The following CSKMT variants were observed in gnomAD, a reference collection of about 807,000 sequenced individuals.
The protein encoded by CSKMT is citrate synthase lysine methyltransferase.
A neutral mutation model predicts 4.6 loss-of-function variants in CSKMT; 6 were observed. The ratio of observed to expected loss-of-function variants is 1.31; its 90% CI spans 0.72 to 2.59. The LOEUF (loss-of-function observed/expected upper bound fraction) is 2.59, where lower values mean the gene tolerates loss of function less well. Among genes scored for constraint, CSKMT ranks in the 30% most tolerant of loss-of-function variants. The probability of loss-of-function intolerance (pLI) is 0.00; values close to 1 mark genes in which losing one functional copy is unlikely to be tolerated. For missense variants in CSKMT, 328 were observed against 298.0 expected (o/e 1.10, Z -0.74); for synonymous variants, 142 against 128.9 (o/e 1.10, Z -0.69).
rs1944791780 is a variant in CSKMT, at chr11:62,665,811, G to A, written c.-69G>A. 9 of 1,583,080 alleles carry A rather than the reference G, an allele frequency of 5.7e-6. No individual in the cohort carries two copies. In the South Asian group the frequency reaches 1.0e-4, roughly 18 times the overall value. ...TTGCAGATCTTCCCCTGGACCTCAG[G>A]CCTCTCCGGCTGGAGTAGGGTGGAC... On this transcript the variant is annotated 5_prime_UTR_variant, in exon 2 of 3. Transcript: ENST00000532971.
rs984504133 is a variant in CSKMT at position 62,667,550 on chromosome 11, G to A, written c.*499G>A. 1.9e-6 allele frequency: 3 copies of A among 1,614,116 alleles called. No individual in the cohort carries two copies. The highest frequency in any genetic ancestry group is 1.7e-6 in the Non-Finnish European group (2 of 1,180,002). ...TCAAAGCTATTAGGAGGCAGGAGAT[G>A]GGAATATTCCACAAAGCCACTTCTA... On this transcript the variant is annotated 3_prime_UTR_variant, in exon 3 of 3. Coordinates refer to ENST00000532971, the MANE Select transcript of CSKMT (RefSeq NM_001043229.2).
Position 62,666,406 on chromosome 11 carries a change from T to A in CSKMT, c.78T>A (p.Ala26=). ...CAACCGTGCCCACAGGCTCACTGGC[T>A]GATAGTTGCCTGGCGGACCGCTGTC... ...GTCRPFAGSL[A]DSCLADRCLW... is the part of the protein sequence containing the mutation. The change falls in exon 3 of 3, where the codon GCT becomes GCA. Residue 26 remains alanine, a synonymous_variant. Transcript: ENST00000532971. The A allele has an allele frequency of 6.2e-7, 1 of 1,609,866 alleles. No individual in the cohort carries two copies. The highest frequency in any genetic ancestry group is 8.5e-7 in the Non-Finnish European group (1 of 1,179,998).
chr11:62,667,564 A>C lies in CSKMT; in HGVS notation c.*513A>C. ...AGGCAGGAGATGGGAATATTCCACA[A>C]AGCCACTTCTACAAACACGGGAGCC... is the stretch of plus-strand genomic sequence containing the variant. On this transcript the variant is annotated 3_prime_UTR_variant, in exon 3 of 3. Transcript: ENST00000532971. 1 of 1,614,134 alleles carries C rather than the reference A, an allele frequency of 6.2e-7. No homozygotes were observed. The highest frequency in any genetic ancestry group is 8.5e-7 in the Non-Finnish European group (1 of 1,180,018).
rs891161359 is a variant in CSKMT, at chr11:62,668,086, C to A, written c.*1035C>A. On this transcript the variant is annotated 3_prime_UTR_variant, in exon 3 of 3. Transcript: ENST00000532971. Reference sequence around the variant, plus strand: ...ATTTTTTGCTTATAAAAAAATAGAGCAATTATATCACTAAGAGCCTAACCT... The same window carrying A: ...ATTTTTTGCTTATAAAAAAATAGAGAAATTATATCACTAAGAGCCTAACCT... 4 of 222,428 alleles carry A rather than the reference C, an allele frequency of 1.8e-5. No individual in the cohort carries two copies. The highest frequency in any genetic ancestry group is 2.7e-5 in the Non-Finnish European group (3 of 110,404). The allele number at this position is 222,428 out of a possible 1,614,324, so 13.8% of individuals were successfully genotyped here.
In CSKMT at chr11:62,666,928, G is replaced by C. The variant is rs749987139; in HGVS notation, c.600G>C (p.Glu200Asp). 1.4e-5 allele frequency: 22 copies of C among 1,613,958 alleles called. No individual in the cohort carries two copies. The highest frequency in any genetic ancestry group is 1.9e-5 in the Non-Finnish European group (22 of 1,180,014). Reference sequence around the variant, plus strand: ...GGACCCTGATTCAGTTCTCAGATGAGGACCCTGATGTGCGACTGCCCTGCC... The same window carrying C: ...GGACCCTGATTCAGTTCTCAGATGACGACCCTGATGTGCGACTGCCCTGCC... The part of the protein sequence containing the change: ...PQGTLIQFSD[E>D]DPDVRLPCLE... Residue 200 changes from glutamate to aspartate, a missense_variant, in exon 3 of 3, where the codon GAG becomes GAC. Transcript: ENST00000532971.
Position 62,665,940 on chromosome 11 carries a change from T to G in CSKMT, c.61T>G (p.Phe21Val). The change falls in exon 2 of 3, where the codon TTT becomes GTT. Residue 21 changes from phenylalanine (F) to valine (V), a missense_variant. Phe to Val is a conservative substitution (Grantham distance 50). Coordinates refer to ENST00000532971, the MANE Select transcript of CSKMT (RefSeq NM_001043229.2). The part of the protein sequence containing the change: ...PSLMMGTCRP[F>V]AGSLADSCLA... The stretch of plus-strand genomic sequence containing the variant: ...CCTGATGATGGGGACGTGCCGCCCC[T>G]TTGCGGGTAGGGAGGTGGGGGCAGA... 6.2e-7 allele frequency: 1 copy of G among 1,611,810 alleles called. No homozygotes were observed. Among genetic ancestry groups the G allele is most frequent in the Non-Finnish European group, 8.5e-7 (1 of 1,179,658 alleles).
Position 62,667,947 on chromosome 11 carries a change from A to G in CSKMT, c.*896A>G. ...GCCCGGGATAGTGGCACAGGCATGT[A>G]GTTCCAACTACTCAGGAGGCTGAGC... On this transcript the variant is annotated 3_prime_UTR_variant, in exon 3 of 3. Transcript: ENST00000532971. The G allele has an allele frequency of 1.9e-6, 1 of 536,832 alleles. No homozygotes were observed. 33.3% of individuals were successfully genotyped at this position (536,832 alleles called of 1,614,324 possible). A position where few individuals can be genotyped will look rare whatever the true frequency, so the allele number is the denominator to read the frequency against.
intron 2 of CSKMT, 163 bp from the exon 3 acceptor site, chr11:62,666,233 G>C (rs766875189): frequency 2.5e-6 from 2 of 791,740 alleles, no homozygotes; most frequent in Non-Finnish European, 4.2e-6. Context: ...CTACTCAGGA[G>C]GCTGAGGTGG....
At position 62,666,508 on chromosome 11, in the gene CSKMT, C is replaced by T. The variant is rs1259188446; in HGVS notation, c.180C>T (p.Val60=). Residue 60 remains valine (V), a synonymous_variant, in exon 3 of 3, where the codon GTC becomes GTT. Transcript: ENST00000532971. ...ACTGGTTCTTTGGATACGACGAAGTCCAGGGGCTCCTACTGCCATTGCTGC... is the reference window on the plus strand; with the variant it reads ...ACTGGTTCTTTGGATACGACGAAGTTCAGGGGCTCCTACTGCCATTGCTGC... ...TFDWFFGYDE[V]QGLLLPLLQE... 6.2e-7 allele frequency: 1 copy of T among 1,614,024 alleles called. No individual in the cohort carries two copies. The highest frequency in any genetic ancestry group is 8.5e-7 in the Non-Finnish European group (1 of 1,180,040).
Position 62,666,393 on chromosome 11 carries a change from C to T in CSKMT, c.68-3C>T. ...AAGTGACACCCTCCAACCGTGCCCA[C>T]AGGCTCACTGGCTGATAGTTGCCTG... On this transcript the variant is annotated splice_region_variant and splice_polypyrimidine_tract_variant and intron_variant, in intron 2 of 2. Transcript: ENST00000532971. 2 of 1,607,950 alleles carry T rather than the reference C, an allele frequency of 1.2e-6. No individual in the cohort carries two copies. The highest frequency in any genetic ancestry group is 1.7e-6 in the Non-Finnish European group (2 of 1,180,008).
At chr11:62,665,504 C>A (rs774812843) in intron 1 of CSKMT, 143 bp from the exon 2 acceptor site, 1 of 1,573,026 alleles carries the variant, frequency 6.4e-7, no homozygotes, top group Non-Finnish European at 8.6e-7. Context: ...CTGGCCCCCT[C>A]GGCGTCATGT....
Position 62,666,970 on chromosome 11 carries a change from T to C in CSKMT, c.642T>C (p.Tyr214=), listed in dbSNP as rs1437565412. Residue 214 remains tyrosine (Y), a synonymous_variant, in exon 3 of 3, where the codon TAT becomes TAC. Coordinates refer to ENST00000532971, the MANE Select transcript of CSKMT (RefSeq NM_001043229.2). The part of the protein sequence containing the change: ...VRLPCLEQGS[Y]GWTVTVQELG... Reference sequence around the variant, plus strand: ...TGCCCTGCCTGGAACAAGGGTCCTATGGCTGGACTGTGACTGTGCAGGAGC... The same window carrying C: ...TGCCCTGCCTGGAACAAGGGTCCTACGGCTGGACTGTGACTGTGCAGGAGC... 5.0e-6 allele frequency: 8 copies of C among 1,614,084 alleles called. No individual in the cohort carries two copies. The highest frequency in any genetic ancestry group is 1.7e-5 in the Admixed American group (1 of 59,994).
chr11:62,666,128 G>T, intron 2 of CSKMT, 182 bp downstream of exon 2: 2 of 798,616 alleles, frequency 2.5e-6, no homozygotes, highest in Non-Finnish European at 3.9e-6. Context: ...CGGGCAGATC[G>T]CTTGGCCCAG....
In CSKMT at chr11:62,667,026, C is replaced by CT; in HGVS notation, c.700dup (p.Tyr234LeufsTer12). On this transcript the variant is annotated frameshift_variant, in exon 3 of 3. Coordinates refer to ENST00000532971, the MANE Select transcript of CSKMT (RefSeq NM_001043229.2). LOFTEE classifies it high-confidence loss of function. The stretch of plus-strand genomic sequence containing the variant: ...CCGTTCAGGGGCATCACCTACTTTG[C>CT]TTACTTGATTCAAGGCTCTCATTAA... 6.2e-7 allele frequency: 1 copy of CT among 1,606,876 alleles called. No homozygotes were observed. The highest frequency in any genetic ancestry group is 1.7e-5 in the Admixed American group (1 of 58,652).
Position 62,667,393 on chromosome 11 carries a change from C to T in CSKMT, c.*342C>T, listed in dbSNP as rs1944848567. 2 of 923,856 alleles carry T rather than the reference C, an allele frequency of 2.2e-6. No individual in the cohort carries two copies. Among genetic ancestry groups the T allele is most frequent in the African/African-American group, 1.7e-5 (1 of 60,522 alleles). 57.2% of individuals were successfully genotyped at this position (923,856 alleles called of 1,614,324 possible). On this transcript the variant is annotated 3_prime_UTR_variant, in exon 3 of 3. Coordinates refer to ENST00000532971, the MANE Select transcript of CSKMT (RefSeq NM_001043229.2). ...GAATCAAAACCCCTGCGCTGACTGA[C>T]TTGTATAATCTAGTGGCCTAACCTG...
Position 62,667,718 on chromosome 11 carries a change from T to C in CSKMT, c.*667T>C. On this transcript the variant is annotated 3_prime_UTR_variant, in exon 3 of 3. Transcript: ENST00000532971. ...CCAGCGTTAAATGTTCTTAAAGGAC[T>C]TCTAGGGTCCTGTGGGCTCCAAGCC... The C allele has an allele frequency of 1.2e-6, 2 of 1,612,408 alleles. No individual in the cohort carries two copies. The highest frequency in any genetic ancestry group is 1.7e-6 in the Non-Finnish European group (2 of 1,178,508).
At chr11:62,666,122 C>G in intron 2 of CSKMT, 176 bp downstream of exon 2, 2 of 819,976 alleles carry the variant, frequency 2.4e-6, no homozygotes, top group Non-Finnish European at 3.8e-6. Context: ...CCGAGGCGGG[C>G]AGATCGCTTG....
In CSKMT at chr11:62,667,151, C is replaced by T; in HGVS notation, c.*100C>T. 7.9e-7 allele frequency: 1 copy of T among 1,259,846 alleles called. No individual in the cohort carries two copies. The highest frequency in any genetic ancestry group is 1.1e-6 in the Non-Finnish European group (1 of 907,436). 78.0% of individuals were successfully genotyped at this position (1,259,846 alleles called of 1,614,324 possible). Reference sequence around the variant, plus strand: ...CTGGCTGCAAAGTGAGAATTTGAGTCCTGGCTTCCACATTTACTAGCTGGG... The same window carrying T: ...CTGGCTGCAAAGTGAGAATTTGAGTTCTGGCTTCCACATTTACTAGCTGGG... On this transcript the variant is annotated 3_prime_UTR_variant, in exon 3 of 3. Coordinates refer to ENST00000532971, the MANE Select transcript of CSKMT (RefSeq NM_001043229.2).
intron 2 of CSKMT, 54 bp downstream of exon 2, chr11:62,666,000 G>T (rs1944798728): frequency 1.9e-6 from 3 of 1,561,954 alleles, no homozygotes; most frequent in Non-Finnish European, 1.7e-6. Context: ...AGTGGGGAGG[G>T]TAAGGTGGGT....
Sources: allele counts gnomAD v4.1 joint callset, GRCh38; gene constraint gnomAD v4.1.1; transcripts MANE v1.5; gene names NCBI Gene and HGNC (gene_info 2026-07-23, HGNC 2026-07-21).